AKAP13: variants seen among roughly 807,000 people sequenced by gnomAD.
AKAP13 encodes A-kinase anchor protein 13.
AKAP13 carries 80 observed loss-of-function variants against 264.5 expected under a neutral mutation model. The observed-to-expected ratio is 0.30, with a 90% CI of 0.25 to 0.36. AKAP13 has a LOEUF of 0.36. Ranked by LOEUF, AKAP13 falls within the 10% of genes least tolerant of loss-of-function variation. AKAP13 has a pLI of 1.00. For synonymous variants in AKAP13, 1,380 were observed against 1,250.2 expected (o/e 1.10, Z -2.19); for missense variants, 3,712 against 3,435.2 (o/e 1.08, Z -2.01).
chr15:85,701,045 C>T (rs2085880381), intron 17 of AKAP13: 1 of 152,166 alleles, frequency 6.6e-6, no homozygotes, highest in African/African-American at 2.4e-5. Flanking sequence ...TAAATCTGTA[C>T]TGTTTTACAT....
At chr15:85,484,734 A>G (rs1474229047) in intron 1 of AKAP13, among the ~76,000 whole-genome samples, 1 of 152,224 alleles carries the variant, frequency 6.6e-6, no homozygotes, top group Non-Finnish European at 1.5e-5. Flanking sequence ...TAGGCTACCA[A>G]GGCATTGCTT....
intron 1 of AKAP13, among the ~76,000 whole-genome samples, chr15:85,410,953 A>G (rs564560112): frequency 1.3e-5 from 2 of 148,640 alleles, no homozygotes; most frequent in East Asian, 1.9e-4. Flanking sequence ...CTTGTACTCT[A>G]TACAGGTTCT....
intron 8 of AKAP13, among the ~76,000 whole-genome samples, chr15:85,596,379 G>A (rs769808397): frequency 2.0e-5 from 3 of 152,092 alleles, no homozygotes; most frequent in Non-Finnish European, 4.4e-5. Context: ...ATCGAAGCAG[G>A]TGTATTGCTT....
intron 17 of AKAP13, among the ~76,000 whole-genome samples, chr15:85,707,203 C>T (rs1276783667): frequency 6.6e-6 from 1 of 152,184 alleles, no homozygotes; most frequent in Admixed American, 6.5e-5. Flanking sequence ...TGGAACAGTT[C>T]TGTTATGTGA....
intron 1 of AKAP13, among the ~76,000 whole-genome samples, chr15:85,420,389 T>G (rs2072469852): frequency 6.6e-6 from 1 of 152,192 alleles, no homozygotes; most frequent in South Asian, 2.1e-4. Context: ...GATTGATGGC[T>G]TCCCTAGCCC....
intron 14 of AKAP13, among the ~76,000 whole-genome samples, chr15:85,672,080 C>T (rs1478896106): frequency 6.6e-6 from 1 of 152,202 alleles, no homozygotes; most frequent in Non-Finnish European, 1.5e-5. Context: ...AGCTTTTCTT[C>T]CCGTTGCTGA....
rs890889426 is a variant in AKAP13 at position 85,577,763 on chromosome 15, G to A, written c.862-1167G>A. On this transcript the variant is annotated intron_variant, in intron 6 of 36. Transcript: ENST00000394518. ...TAATATGTTCTGATTTTATCAAAAG[G>A]TGAAAGAATATCTGCCATGCCACTG... The A allele has an allele frequency of 9.2e-6, 9 of 974,798 alleles. No homozygotes were observed. In the East Asian group the frequency reaches 8.0e-4, roughly 86 times the overall value. 60.4% of individuals were successfully genotyped at this position (974,798 alleles called of 1,614,324 possible). A position where few individuals can be genotyped will look rare whatever the true frequency, so the allele number is the denominator to read the frequency against.
chr15:85,426,107 T>C (rs1392842405), intron 1 of AKAP13, among the ~76,000 whole-genome samples: 1 of 152,218 alleles, frequency 6.6e-6, no homozygotes, highest in Non-Finnish European at 1.5e-5. Context: ...TAATCCTTGG[T>C]TCATTCTATA....
At chr15:85,586,893 A>G (rs1476351207) in intron 8 of AKAP13, among the ~76,000 whole-genome samples, 1 of 151,692 alleles carries the variant, frequency 6.6e-6, no homozygotes, top group Non-Finnish European at 1.5e-5. Flanking sequence ...GTGCCATAGC[A>G]CTGTAGCCTG....
chr15:85,573,576 T>TAAATAAATAA lies in AKAP13; in HGVS notation c.663-1555_663-1554insAAATAAATAA, dbSNP rs879294735. On this transcript the variant is annotated intron_variant, in intron 5 of 36. Transcript: ENST00000394518. ...AAATAAATAAATAAATAAATAAATA[T>TAAATAAATAA]GATATGATATGGGATATTCAAAGGT... Among the ~76,000 whole-genome samples, 567 of 88,814 alleles carry TAAATAAATAA rather than the reference T, an allele frequency of 6.4e-3. 2 individuals are homozygous for TAAATAAATAA. The highest frequency in any genetic ancestry group is 0.025 in the African/African-American group (518 of 21,060). The allele number at this position is 88,814 out of a possible 152,430, so 58.3% of individuals were successfully genotyped here. A position where few individuals can be genotyped will look rare whatever the true frequency, so the allele number is the denominator to read the frequency against.
chr15:85,661,224 T>A (rs572453962), intron 12 of AKAP13, among the ~76,000 whole-genome samples: 46 of 152,332 alleles, frequency 3.0e-4, no homozygotes, highest in African/African-American at 1.0e-3. Context: ...AATTGATTAT[T>A]GTTTTAGCTA....
At chr15:85,381,348 G>A (rs1337114761) in intron 1 of AKAP13, among the ~76,000 whole-genome samples, 4 of 152,010 alleles carry the variant, frequency 2.6e-5, no homozygotes, top group African/African-American at 7.2e-5. Context: ...CCTCTCCGCG[G>A]CTTCTCGGGG....
intron 3 of AKAP13, among the ~76,000 whole-genome samples, chr15:85,531,799 C>G (rs564796613): frequency 7.2e-5 from 11 of 152,294 alleles, no homozygotes; most frequent in Admixed American, 2.0e-4. Flanking sequence ...CATGTGAAGA[C>G]TTATCTTCAT....
rs1430244216 is a variant in AKAP13, at chr15:85,387,492, A to AT, written c.-12+6701dup. Among the ~76,000 whole-genome samples, 5 of 151,874 alleles carry AT rather than the reference A, an allele frequency of 3.3e-5. No individual in the cohort carries two copies. In the East Asian group the frequency reaches 7.7e-4, roughly 23 times the overall value. ...ATCACAGTCATGCACTACCTGGCTA[A>AT]TTTTTTTATTTTTGTAGAGACAGAG... On this transcript the variant is annotated intron_variant, in intron 1 of 36. Coordinates refer to ENST00000394518, the MANE Select transcript of AKAP13 (RefSeq NM_007200.5).
At chr15:85,561,175 A>C (rs549032120) in intron 5 of AKAP13, among the ~76,000 whole-genome samples, 1 of 150,770 alleles carries the variant, frequency 6.6e-6, no homozygotes, top group African/African-American at 2.4e-5. Flanking sequence ...CTCCTGCCTC[A>C]GCCTCCCAAG....
chr15:85,523,418 G>A (rs114230002), intron 3 of AKAP13, among the ~76,000 whole-genome samples: 45 of 152,230 alleles, frequency 3.0e-4, no homozygotes, highest in African/African-American at 1.1e-3. Context: ...TTAGACTTGT[G>A]TGTTCCCTTC....
chr15:85,544,789 G>C (rs2077681803), intron 5 of AKAP13, among the ~76,000 whole-genome samples: 1 of 152,184 alleles, frequency 6.6e-6, no homozygotes, highest in Non-Finnish European at 1.5e-5. Flanking sequence ...ATCTGAACAA[G>C]TATAAACCCA....
intron 16 of AKAP13, among the ~76,000 whole-genome samples, chr15:85,691,459 A>C (rs1385221320): frequency 6.6e-6 from 1 of 152,162 alleles, no homozygotes; most frequent in Non-Finnish European, 1.5e-5. Flanking sequence ...TAGTTCTTCA[A>C]GTTTTCAGTG....
At chr15:85,646,457 A>G (rs2082565877) in intron 10 of AKAP13, among the ~76,000 whole-genome samples, 1 of 152,230 alleles carries the variant, frequency 6.6e-6, no homozygotes, top group Admixed American at 6.5e-5. Context: ...AGAAAAAAGC[A>G]TTGGCCAAAG....
Sources: gnomAD v4.1 joint callset for allele counts (sites outside exome capture counted in the v4.1 genomes callset) on GRCh38, gnomAD v4.1.1 for gene constraint, MANE v1.5 for transcripts, NCBI Gene and HGNC (gene_info 2026-07-23, HGNC 2026-07-21) for gene names.